The following MTMR7 variants were observed in gnomAD, a reference collection of about 807,000 sequenced individuals.
MTMR7 encodes the protein phosphatidylinositol-3-phosphate phosphatase MTMR7.
In MTMR7, 76 loss-of-function variants were observed where a neutral mutation model predicts 81.2. The observed-to-expected ratio is 0.94, with a 90% CI of 0.78 to 1.13. MTMR7 has a LOEUF of 1.13. Ranked by LOEUF, MTMR7 falls within the 50% of genes most tolerant of loss-of-function variation. MTMR7 has a pLI of 0.00. For missense variants in MTMR7, 1,044 were observed against 820.0 expected (o/e 1.27, Z -3.34); for synonymous variants, 372 against 289.8 (o/e 1.28, Z -2.88).
At chr8:17,372,370 C>A (rs374128699) in intron 2 of MTMR7, among the ~76,000 whole-genome samples, 10 of 152,196 alleles carry the variant, frequency 6.6e-5, no homozygotes, top group African/African-American at 2.4e-4. Context: ...CACTTGAGGT[C>A]AGGTCAGGAG....
intron 5 of MTMR7, 110 bp downstream of exon 5, chr8:17,348,843 C>T: frequency 7.5e-7 from 1 of 1,328,760 alleles, no homozygotes; most frequent in Non-Finnish European, 1.1e-6. Flanking sequence ...CACATACCTT[C>T]TGAAGAATTC....
At chr8:17,333,752 G>GTCCTAC (rs1819129123) in intron 6 of MTMR7, among the ~76,000 whole-genome samples, 1 of 152,178 alleles carries the variant, frequency 6.6e-6, no homozygotes, top group Admixed American at 6.5e-5. Flanking sequence ...GGGAGGCAGA[G>GTCCTAC]GTGGGAGGAC....
At chr8:17,331,799 G>A (rs993106436) in intron 6 of MTMR7, among the ~76,000 whole-genome samples, 2 of 152,112 alleles carry the variant, frequency 1.3e-5, no homozygotes, top group Admixed American at 6.5e-5. Context: ...GTTAAACCTT[G>A]AGCAGGAATT....
intron 7 of MTMR7, among the ~76,000 whole-genome samples, chr8:17,325,778 G>T (rs1461862420): frequency 2.0e-5 from 3 of 152,216 alleles, no homozygotes; most frequent in African/African-American, 7.2e-5. Context: ...CTGAAACTGT[G>T]CTCTTACTTC....
At chr8:17,383,916 T>G (rs970837707) in intron 1 of MTMR7, among the ~76,000 whole-genome samples, 8 of 152,160 alleles carry the variant, frequency 5.3e-5, no homozygotes, top group African/African-American at 1.9e-4. Flanking sequence ...TAACCAGCAA[T>G]GCAGTAATTA....
At chr8:17,361,789 T>C (rs986826306) in intron 3 of MTMR7, among the ~76,000 whole-genome samples, 7 of 152,192 alleles carry the variant, frequency 4.6e-5, no homozygotes, top group Non-Finnish European at 7.4e-5. Context: ...AACGTTTGCA[T>C]TGGAAACATC....
chr8:17,396,706 G>C (rs959098096), intron 1 of MTMR7, among the ~76,000 whole-genome samples: 7 of 152,180 alleles, frequency 4.6e-5, no homozygotes, highest in Admixed American at 1.3e-4. Flanking sequence ...TTTAGAGTCA[G>C]CGGACTGGGG....
intron 1 of MTMR7, among the ~76,000 whole-genome samples, chr8:17,408,903 C>T (rs1162029612): frequency 6.6e-6 from 1 of 152,092 alleles, no homozygotes; most frequent in East Asian, 1.9e-4. Flanking sequence ...GTGGTGATGT[C>T]TGCACAATAT....
At chr8:17,313,786 A>G (rs1817915891) in intron 7 of MTMR7, among the ~76,000 whole-genome samples, 1 of 152,218 alleles carries the variant, frequency 6.6e-6, no homozygotes, top group Admixed American at 6.5e-5. Flanking sequence ...AAATCATATA[A>G]CTAAGTGTAG....
At chr8:17,335,389 G>A (rs922533416) in intron 6 of MTMR7, among the ~76,000 whole-genome samples, 1 of 152,136 alleles carries the variant, frequency 6.6e-6, no homozygotes, top group Non-Finnish European at 1.5e-5. Flanking sequence ...GAAACAGCAT[G>A]AGATTCTCAC....
At chr8:17,357,455 G>GA (rs1222169402) in intron 4 of MTMR7, among the ~76,000 whole-genome samples, 5 of 152,162 alleles carry the variant, frequency 3.3e-5, no homozygotes, top group Non-Finnish European at 5.9e-5. Flanking sequence ...ATAAAAACAT[G>GA]CAAAACAATA....
chr8:17,350,855 CCAGA>C (rs1819708449), intron 4 of MTMR7, among the ~76,000 whole-genome samples: 1 of 152,170 alleles, frequency 6.6e-6, no homozygotes, highest in Non-Finnish European at 1.5e-5. Context: ...CAGGGTTCTA[CCAGA>C]CATTTTAGGA....
At chr8:17,369,618 T>C (rs1343245553) in intron 3 of MTMR7, among the ~76,000 whole-genome samples, 2 of 151,430 alleles carry the variant, frequency 1.3e-5, no homozygotes, top group African/African-American at 4.8e-5. Flanking sequence ...ACTTAGAGTA[T>C]AGTAGAGTAT....
chr8:17,349,882 G>A (rs189256263), intron 4 of MTMR7, among the ~76,000 whole-genome samples: 1 of 152,124 alleles, frequency 6.6e-6, no homozygotes, highest in African/African-American at 2.4e-5. Context: ...CTCTGACTGA[G>A]CAACTTCATG....
chr8:17,360,958 T>A (rs1318243376), intron 4 of MTMR7, among the ~76,000 whole-genome samples, 159 bp downstream of exon 4: 1 of 152,088 alleles, frequency 6.6e-6, no homozygotes, highest in African/African-American at 2.4e-5. Flanking sequence ...TAGGTCCAGG[T>A]TGTAAATACA....
chr8:17,380,731 T>C (rs79160938), intron 1 of MTMR7, among the ~76,000 whole-genome samples: 3,907 of 152,276 alleles, frequency 0.026, 180 homozygotes, highest in African/African-American at 0.089. Flanking sequence ...GGTGAGCACT[T>C]GTAAATGCCT....
chr8:17,403,867 C>T (rs1350767576), intron 1 of MTMR7, among the ~76,000 whole-genome samples: 1 of 152,104 alleles, frequency 6.6e-6, no homozygotes, highest in Non-Finnish European at 1.5e-5. Flanking sequence ...ATTTCTTTTT[C>T]ACATTGTTCA....
In MTMR7 at chr8:17,353,553, C is replaced by T. The variant is rs534196411; in HGVS notation, c.469-4472G>A. ...CAAAACTCTGACAATACATAATGCG[C>T]ACAATGATGCAACATATGTCGCTAA... is the stretch of plus-strand genomic sequence containing the variant. On this transcript the variant is annotated intron_variant, in intron 4 of 13. Coordinates refer to ENST00000180173, the MANE Select transcript of MTMR7 (RefSeq NM_004686.5). Among the ~76,000 whole-genome samples the T allele has an allele frequency of 2.0e-5, 3 of 152,280 alleles. No individual in the cohort carries two copies. In the South Asian group the frequency reaches 6.2e-4, roughly 32 times the overall value.
intron 1 of MTMR7, among the ~76,000 whole-genome samples, chr8:17,412,461 A>G (rs545585232): frequency 6.6e-6 from 1 of 152,300 alleles, no homozygotes; most frequent in East Asian, 1.9e-4. Flanking sequence ...TAGGGTTTTT[A>G]TCATGCAGTA....
Sources: allele counts gnomAD v4.1 joint callset (sites outside exome capture counted in the v4.1 genomes callset), GRCh38; gene constraint gnomAD v4.1.1; transcripts MANE v1.5; gene names NCBI Gene and HGNC (gene_info 2026-07-23, HGNC 2026-07-21).